Variants in LILRB1 observed in about 807,000 individuals in gnomAD.
LILRB1 encodes the protein leukocyte immunoglobulin-like receptor subfamily B member 1.
Under a neutral mutation model 74.6 loss-of-function variants are expected in LILRB1, and 59 were observed. The observed-to-expected ratio is 0.79, with a 90% CI of 0.64 to 0.98. The LOEUF is 0.98. LILRB1 is among the 50% of genes least tolerant of loss of function. The pLI is 0.00. For missense variants in LILRB1, 804 were observed against 822.6 expected (o/e 0.98, Z 0.28); for synonymous variants, 328 against 333.9 (o/e 0.98, Z 0.19).
At chr19:54,619,865 C>A (rs2063407640) in intron 1 of LILRB1, among the ~76,000 whole-genome samples, 1 of 151,470 alleles carries the variant, frequency 6.6e-6, no homozygotes, top group South Asian at 2.1e-4. Flanking sequence ...CCTTTGAATT[C>A]ACCTGATTTT....
intron 1 of LILRB1, among the ~76,000 whole-genome samples, chr19:54,622,856 T>C (rs1422339657): frequency 1.3e-5 from 2 of 152,194 alleles, no homozygotes. Context: ...ATGCCTAGTC[T>C]GTTGAGGGAT....
intron 1 of LILRB1, among the ~76,000 whole-genome samples, chr19:54,621,498 C>G (rs1053953098): frequency 2.1e-5 from 3 of 145,560 alleles, no homozygotes; most frequent in Non-Finnish European, 4.5e-5. Context: ...TGTTGATGGT[C>G]TTTACTCAGT....
Position 54,636,800 on chromosome 19 carries a change from G to C in LILRB1, c.1881G>C (p.Glu627Asp). The C allele has an allele frequency of 6.2e-7, 1 of 1,613,280 alleles. No homozygotes were observed. Among genetic ancestry groups the C allele is most frequent in the Middle Eastern group, 1.7e-4 (1 of 6,058 alleles). Residue 627 changes from glutamate (E) to aspartate (D), a missense_variant, in exon 15 of 15, where the codon GAG becomes GAC. Physicochemically the swap from Glu to Asp is conservative, Grantham distance 45. Coordinates refer to ENST00000324602, the MANE Select transcript of LILRB1 (RefSeq NM_001081637.3). ...AQLHSLTLRR[E>D]ATEPPPSQEG... ...TGCACAGCTTGACCCTCAGACGGGAGGCAACTGAGCCTCCTCCATCCCAGG... is the reference window on the plus strand; with the variant it reads ...TGCACAGCTTGACCCTCAGACGGGACGCAACTGAGCCTCCTCCATCCCAGG...
Position 54,635,540 on chromosome 19 carries a change from T to G in LILRB1, c.1601-17T>G. ...GGAACCTTCCCAAGAGACAAACCCC[T>G]TGCTCTGCCCCAGCAGATGCTGCCG... On this transcript the variant is annotated splice_polypyrimidine_tract_variant and intron_variant, in intron 12 of 14. Transcript: ENST00000324602. 1 of 1,608,888 alleles carries G rather than the reference T, an allele frequency of 6.2e-7. No homozygotes were observed. Among genetic ancestry groups the G allele is most frequent in the South Asian group, 1.1e-5 (1 of 89,926 alleles).
chr19:54,623,863 G>A (rs1200345089), intron 1 of LILRB1, among the ~76,000 whole-genome samples: 4 of 152,140 alleles, frequency 2.6e-5, no homozygotes, highest in Non-Finnish European at 5.9e-5. Context: ...CCCCGGCCCC[G>A]CAGGGAGGGT....
chr19:54,618,396 T>C (rs1038618256), intron 1 of LILRB1, among the ~76,000 whole-genome samples: 2 of 152,250 alleles, frequency 1.3e-5, no homozygotes, highest in African/African-American at 4.8e-5. Context: ...TTTAAAATTA[T>C]TGGTAAAATA....
rs371899763 is a variant in LILRB1 at position 54,631,037 on chromosome 19, C to T, written c.-37C>T. ...CTCTATCCTGCCAGCACCGAGGGCT[C>T]ATCCATCCACAGAGCAGGGCAGTGG... On this transcript the variant is annotated 5_prime_UTR_variant, in exon 2 of 15. Transcript: ENST00000324602. The T allele has an allele frequency of 6.2e-7, 1 of 1,614,252 alleles. No homozygotes were observed. Among genetic ancestry groups the T allele is most frequent in the Admixed American group, 1.7e-5 (1 of 60,028 alleles).
At chr19:54,617,181 G>C (rs868086354) in exon 1 of LILRB1, 14 of 152,278 alleles carry the variant, frequency 9.2e-5, no homozygotes, top group African/African-American at 3.4e-4. Flanking sequence ...AGGAGAGGAG[G>C]AACAGAAAAG....
intron 1 of LILRB1, among the ~76,000 whole-genome samples, chr19:54,620,362 A>T (rs2063422653): frequency 6.7e-6 from 1 of 150,168 alleles, no homozygotes. Context: ...CAAATTCTTA[A>T]TTTTTTTTTT....
At chr19:54,634,338 A>G in intron 9 of LILRB1, 1 of 1,541,392 alleles carries the variant, frequency 6.5e-7, no homozygotes, top group Non-Finnish European at 8.8e-7. Context: ...GTCATGGTTC[A>G]GGACGGTCAG....
chr19:54,633,844 G>A, intron 8 of LILRB1, 127 bp from the exon 9 acceptor site: 1 of 1,464,318 alleles, frequency 6.8e-7, no homozygotes, highest in Non-Finnish European at 9.2e-7. Context: ...AGGGCTCTGA[G>A]GCTGGGCTGG....
In LILRB1 at chr19:54,634,011, T is replaced by C; in HGVS notation, c.1353T>C (p.Asp451=). The change falls in exon 9 of 15, where the codon GAT becomes GAC. Residue 451 remains aspartate, a synonymous_variant. Transcript: ENST00000324602. ...EDQPLTPTGS[D]PQSGLGRHLG... is the part of the protein sequence containing the mutation. ...AGCCCCTCACCCCCACCGGGTCGGA[T>C]CCCCAGAGTGGTGAGTGACGGGCTC... 6.3e-7 allele frequency: 1 copy of C among 1,598,342 alleles called. No individual in the cohort carries two copies. Among genetic ancestry groups the C allele is most frequent in the Non-Finnish European group, 8.5e-7 (1 of 1,172,508 alleles).
rs1318822732 is a variant in LILRB1 at position 54,633,280 on chromosome 19, T to C, written c.1223T>C (p.Leu408Pro). 2 of 1,613,758 alleles carry C rather than the reference T, an allele frequency of 1.2e-6. No individual in the cohort carries two copies. Among genetic ancestry groups the C allele is most frequent in the African/African-American group, 2.7e-5 (2 of 74,864 alleles). The change falls in exon 7 of 15, where the codon CTG (leucine) becomes CCG (proline). Residue 408 changes from leucine to proline, a missense_variant. Physicochemically the swap from Leu to Pro is moderately conservative, Grantham distance 98. Coordinates refer to ENST00000324602, the MANE Select transcript of LILRB1 (RefSeq NM_001081637.3). ...TCACAGAGCTCCAAACCCTACCTGC[T>C]GACTCACCCCAGTGACCCCCTGGAG... The part of the protein sequence containing the change: ...YGSQSSKPYL[L>P]THPSDPLELV...
chr19:54,621,421 A>C (rs1435951207), intron 1 of LILRB1, among the ~76,000 whole-genome samples: 1 of 152,094 alleles, frequency 6.6e-6, no homozygotes, highest in African/African-American at 2.4e-5. Flanking sequence ...TTCTCTGATG[A>C]TTAATGATGT....
chr19:54,630,008 T>A (rs534529479), upstream of LILRB1, among the ~76,000 whole-genome samples: 1 of 152,296 alleles, frequency 6.6e-6, no homozygotes, highest in East Asian at 1.9e-4. Flanking sequence ...GATCCTCTTA[T>A]GTCCCAAACA....
chr19:54,616,474 G>T (rs900027516), upstream of LILRB1, among the ~76,000 whole-genome samples: 1 of 152,180 alleles, frequency 6.6e-6, no homozygotes, highest in Non-Finnish European at 1.5e-5. Flanking sequence ...CCCCAAAGGA[G>T]TTGTCTCAAC....
chr19:54,634,945 A>G, intron 10 of LILRB1, 159 bp from the exon 11 acceptor site: 1 of 1,445,492 alleles, frequency 6.9e-7, no homozygotes, highest in Non-Finnish European at 9.4e-7. Flanking sequence ...AGTGCCATCT[A>G]CAAATGTAAA....
chr19:54,622,123 C>T (rs4806795), intron 1 of LILRB1, among the ~76,000 whole-genome samples: 83,842 of 151,960 alleles, frequency 0.55, 23,880 homozygotes, highest in South Asian at 0.64. Flanking sequence ...CAATGTGATG[C>T]CTCCTGTTTT....
chr19:54,636,720 C>T lies in LILRB1; in HGVS notation c.1813-12C>T. 1 of 1,600,328 alleles carries T rather than the reference C, an allele frequency of 6.2e-7. No homozygotes were observed. Among genetic ancestry groups the T allele is most frequent in the Non-Finnish European group, 8.5e-7 (1 of 1,172,258 alleles). On this transcript the variant is annotated splice_polypyrimidine_tract_variant and intron_variant, in intron 14 of 14. Transcript: ENST00000324602. ...CACCACGTTCCTTCCCTCTCACTCT[C>T]CCCCGCTGCAGGCTGCTGCATCTGA...
Sources: allele counts gnomAD v4.1 joint callset (sites outside exome capture counted in the v4.1 genomes callset), GRCh38; gene constraint gnomAD v4.1.1; transcripts MANE v1.5; gene names NCBI Gene and HGNC (gene_info 2026-07-23, HGNC 2026-07-21).